The following ACOT9 variants were observed in gnomAD, a reference collection of about 807,000 sequenced individuals.
The protein encoded by ACOT9 is acyl-CoA thioesterase 9.
Under a neutral mutation model 39.7 loss-of-function variants are expected in ACOT9, and 34 were observed. The ratio of observed to expected loss-of-function variants is 0.86; its 90% confidence interval spans 0.65 to 1.14. ACOT9 has a LOEUF of 1.14. Ranked by LOEUF, ACOT9 falls within the 50% of genes most tolerant of loss-of-function variation. The pLI is 0.00. For synonymous variants in ACOT9, 110 were observed against 120.5 expected (o/e 0.91, Z 0.57); for missense variants, 313 against 344.1 (o/e 0.91, Z 0.71).
chrX:23,737,872 C>CT lies in ACOT9; in HGVS notation c.21-1857dup, dbSNP rs761904560. ...CTTTCGTATACAGATTAATATTTGT[C>CT]TTTTTTTTTTTTTTTAGACAGAGTC... is the stretch of plus-strand genomic sequence containing the variant. On this transcript the variant is annotated intron_variant, in intron 1 of 15. Transcript: ENST00000379303. Among the ~76,000 whole-genome samples the CT allele has an allele frequency of 5.3e-3, 396 of 75,139 alleles. 2 individuals are homozygous for CT. Among genetic ancestry groups the CT allele is most frequent in the African/African-American group, 0.018 (259 of 14,324 alleles). The allele number at this position is 75,139 out of a possible 115,157, so 65.2% of individuals were successfully genotyped here.
chrX:23,713,354 G>A (rs780194678), intron 8 of ACOT9, 146 bp from the exon 9 acceptor site: 2 of 442,908 alleles, frequency 4.5e-6, no homozygotes, highest in Non-Finnish European at 7.8e-6. Flanking sequence ...AAGGTGGGAG[G>A]ATCACTTGAG....
At chrX:23,741,485 A>G (rs1405537265) in intron 1 of ACOT9, among the ~76,000 whole-genome samples, 1 of 110,612 alleles carries the variant, frequency 9.0e-6, no homozygotes, top group African/African-American at 3.3e-5. Flanking sequence ...AACAGGCAAT[A>G]CCACTCATAT....
intron 9 of ACOT9, 145 bp from the exon 10 acceptor site, chrX:23,708,089 A>C (rs1209424603): frequency 6.4e-6 from 3 of 466,216 alleles, no homozygotes; most frequent in Non-Finnish European, 1.1e-5. Context: ...GAACGCTGGA[A>C]CAATTAGGGA....
rs762771717 is a variant in ACOT9, at chrX:23,727,777, T to C, written c.400+2750A>G. 8.4e-5 allele frequency among the ~76,000 whole-genome samples: 9 copies of C among 106,681 alleles called. No individual in the cohort carries two copies. The East Asian group carries it at 2.5e-3, about 29-fold the overall frequency. 92.6% of individuals were successfully genotyped at this position (106,681 alleles called of 115,157 possible). On this transcript the variant is annotated intron_variant, in intron 6 of 15. Coordinates refer to ENST00000379303, the MANE Select transcript of ACOT9 (RefSeq NM_001037171.2). Reference sequence around the variant, plus strand: ...ACTTTGGGAGGCCGAGGCAGGCAGATCACCTGAGGTCAGGAGTTTGAGACC... The same window carrying C: ...ACTTTGGGAGGCCGAGGCAGGCAGACCACCTGAGGTCAGGAGTTTGAGACC...
At chrX:23,728,004 A>G (rs1019794968) in intron 6 of ACOT9, among the ~76,000 whole-genome samples, 4 of 106,916 alleles carry the variant, frequency 3.7e-5, no homozygotes, top group African/African-American at 1.0e-4. Flanking sequence ...GTCTCAAAAA[A>G]AAAAAAAAAG....
intron 9 of ACOT9, among the ~76,000 whole-genome samples, chrX:23,711,007 C>CA (rs759225417): frequency 7.0e-4 from 73 of 104,233 alleles, no homozygotes; most frequent in African/African-American, 2.4e-3. Flanking sequence ...AACTTCATCT[C>CA]AAAAAAAATA....
At chrX:23,709,463 T>G (rs957672427) in intron 9 of ACOT9, among the ~76,000 whole-genome samples, 1 of 112,188 alleles carries the variant, frequency 8.9e-6, no homozygotes, top group African/African-American at 3.2e-5. Flanking sequence ...GAGTGAAACT[T>G]GCAGCAGTGG....
intron 8 of ACOT9, among the ~76,000 whole-genome samples, chrX:23,716,178 G>C (rs940352888): frequency 1.8e-5 from 2 of 111,688 alleles, no homozygotes; most frequent in Non-Finnish European, 3.8e-5. Context: ...AGTTATCCTG[G>C]AGCACAGGGA....
chrX:23,733,754 A>AGTTTT (rs10542947), intron 3 of ACOT9, among the ~76,000 whole-genome samples: 2 of 106,102 alleles, frequency 1.9e-5, no homozygotes, highest in Non-Finnish European at 3.9e-5. Flanking sequence ...TAATTTTTGT[A>AGTTTT]GTTTTGTTTT....
chrX:23,708,730 C>A lies in ACOT9; in HGVS notation c.663-786G>T, dbSNP rs141306029. On this transcript the variant is annotated intron_variant, in intron 9 of 15. Transcript: ENST00000379303. The stretch of plus-strand genomic sequence containing the variant: ...ACATTTTAGGGACAACTGGTGAAAT[C>A]TGAATACGGATCACATATTAAATAA... Among the ~76,000 whole-genome samples, 78 of 111,082 alleles carry A rather than the reference C, an allele frequency of 7.0e-4. No individual in the cohort carries two copies. In the East Asian group the frequency reaches 0.013, roughly 19 times the overall value.
At chrX:23,714,056 C>T (rs749008057) in intron 8 of ACOT9, among the ~76,000 whole-genome samples, 54 of 110,492 alleles carry the variant, frequency 4.9e-4, no homozygotes, top group Non-Finnish European at 9.6e-4. Context: ...ACAAACAAAA[C>T]GCAAATAGTA....
chrX:23,735,508 T>C (rs764394653), intron 2 of ACOT9, among the ~76,000 whole-genome samples: 34 of 111,426 alleles, frequency 3.1e-4, no homozygotes, highest in Non-Finnish European at 6.0e-4. Context: ...ATAAAGACAA[T>C]CCATAGTTTA....
At chrX:23,720,487 A>G (rs1327530138) in intron 8 of ACOT9, among the ~76,000 whole-genome samples, 3 of 111,457 alleles carry the variant, frequency 2.7e-5, no homozygotes, top group Non-Finnish European at 5.6e-5. Context: ...CATCCTGACA[A>G]GAGACACCAG....
intron 8 of ACOT9, among the ~76,000 whole-genome samples, chrX:23,716,996 G>A (rs1250214327): frequency 4.5e-5 from 5 of 111,324 alleles, no homozygotes; most frequent in Non-Finnish European, 9.4e-5. Context: ...CTGGGACTAC[G>A]GGCACGTGGC....
intron 10 of ACOT9, 127 bp downstream of exon 10, chrX:23,707,738 AAAAAAAACAAAC>A (rs1387182746): frequency 1.7e-5 from 7 of 417,339 alleles, no homozygotes; most frequent in East Asian, 9.4e-5. Context: ...ACTCCATTTC[AAAAAAAACAAAC>A]AAAAAAACAA....
chrX:23,720,846 A>C (rs772676115), intron 8 of ACOT9, among the ~76,000 whole-genome samples: 1 of 111,369 alleles, frequency 9.0e-6, no homozygotes, highest in Non-Finnish European at 1.9e-5. Flanking sequence ...CAACTCCCCT[A>C]TATAAAATGG....
chrX:23,731,733 T>C (rs1027885940), intron 4 of ACOT9, among the ~76,000 whole-genome samples: 14 of 109,793 alleles, frequency 1.3e-4, no homozygotes, highest in African/African-American at 4.6e-4. Context: ...TCTCTCTCTC[T>C]GCCTTCAATT....
chrX:23,705,196 A>G, intron 13 of ACOT9, 116 bp from the exon 14 acceptor site: 1 of 687,722 alleles, frequency 1.5e-6, no homozygotes, highest in Admixed American at 2.7e-5. Flanking sequence ...AAGTTAGAGA[A>G]GGGGGAAAAG....
In ACOT9 at chrX:23,721,043, G is replaced by A. The variant is rs776930279; in HGVS notation, c.588+838C>T. Among the ~76,000 whole-genome samples the A allele has an allele frequency of 6.3e-5, 7 of 111,224 alleles. No individual in the cohort carries two copies. The South Asian group carries it at 2.6e-3, about 42-fold the overall frequency. ...ACATGAGGCCAGAAGTTCAAGACCAGCCTGGGCAACATGGTGAAACTCCAT... is the reference window on the plus strand; with the variant it reads ...ACATGAGGCCAGAAGTTCAAGACCAACCTGGGCAACATGGTGAAACTCCAT... On this transcript the variant is annotated intron_variant, in intron 8 of 15. Transcript: ENST00000379303.
Sources: allele counts gnomAD v4.1 joint callset (sites outside exome capture counted in the v4.1 genomes callset), GRCh38; gene constraint gnomAD v4.1.1; transcripts MANE v1.5; gene names NCBI Gene and HGNC (gene_info 2026-07-23, HGNC 2026-07-21).